KIFAP3: variants seen among roughly 807,000 people sequenced by gnomAD.
The protein encoded by KIFAP3 is kinesin associated protein 3.
A neutral mutation model predicts 106.5 loss-of-function variants in KIFAP3; 68 were observed. The observed-to-expected ratio is 0.64, with a 90% CI of 0.53 to 0.78. The LOEUF (loss-of-function observed/expected upper bound fraction) is 0.78. Among genes scored for constraint, KIFAP3 ranks in the 30% least tolerant of loss-of-function variants. The pLI, the probability that KIFAP3 is intolerant of heterozygous loss-of-function variation, is 0.00. For synonymous variants in KIFAP3, 320 were observed against 311.5 expected, an observed-to-expected ratio of 1.03 and a Z score of -0.29; for missense variants, 780 against 941.8, an observed-to-expected ratio of 0.83 and a Z score of 2.25.
At chr1:170,048,353 T>C (rs1411543741) in intron 2 of KIFAP3, among the ~76,000 whole-genome samples, 2 of 151,956 alleles carry the variant, frequency 1.3e-5, no homozygotes, top group East Asian at 3.9e-4. Flanking sequence ...ATTATATTTT[T>C]ATATAGTTTT....
At chr1:169,938,881 G>T (rs1663950727) in intron 19 of KIFAP3, among the ~76,000 whole-genome samples, 1 of 152,174 alleles carries the variant, frequency 6.6e-6, no homozygotes, top group African/African-American at 2.4e-5. Context: ...GTGACAAAGT[G>T]CGAAAGAACT....
At chr1:170,069,626 A>G (rs1442098778) in intron 1 of KIFAP3, among the ~76,000 whole-genome samples, 1 of 152,172 alleles carries the variant, frequency 6.6e-6, no homozygotes, top group African/African-American at 2.4e-5. Context: ...TTTTCATGAT[A>G]AAAGTACTTG....
chr1:169,946,138 A>G (rs1664427899), intron 19 of KIFAP3, among the ~76,000 whole-genome samples: 1 of 152,226 alleles, frequency 6.6e-6, no homozygotes, highest in African/African-American at 2.4e-5. Context: ...AAACTGGTTA[A>G]TTAGCTGAAT....
intron 2 of KIFAP3, among the ~76,000 whole-genome samples, chr1:170,052,040 A>G (rs1375953913): frequency 1.3e-5 from 2 of 152,170 alleles, no homozygotes; most frequent in African/African-American, 4.8e-5. Flanking sequence ...TCTTCCAAAA[A>G]TCAATGAATC....
In KIFAP3 at chr1:170,046,696, G is replaced by A. The variant is rs747488412; in HGVS notation, c.319+16C>T. The A allele has an allele frequency of 2.7e-6, 4 of 1,471,804 alleles. No homozygotes were observed. In the African/African-American group the frequency reaches 5.7e-5, roughly 21 times the overall value. 91.2% of individuals were successfully genotyped at this position (1,471,804 alleles called of 1,614,324 possible). A position where few individuals can be genotyped will look rare whatever the true frequency, so the allele number is the denominator to read the frequency against. On this transcript the variant is annotated intron_variant, in intron 3 of 19. Transcript: ENST00000361580. ...CTTTGGATTTGCATTAGGAAGCCAGGAATTCTACTACTTACCTTTTCCTGA... is the reference window on the plus strand; with the variant it reads ...CTTTGGATTTGCATTAGGAAGCCAGAAATTCTACTACTTACCTTTTCCTGA...
rs376434569 is a variant in KIFAP3, at chr1:169,989,364, T to TA, written c.1284+2790dup. Among the ~76,000 whole-genome samples the TA allele has an allele frequency of 1.8e-3, 281 of 152,166 alleles. 3 individuals carry two copies. The highest frequency in any genetic ancestry group is 6.6e-3 in the African/African-American group (275 of 41,566). On this transcript the variant is annotated intron_variant, in intron 11 of 19. Transcript: ENST00000361580. ...ATTTAATGCTATTCTCTTTAAAATC[T>TA]AAATCTGGATAAAGACAGTCAATCT...
chr1:169,985,208 C>T (rs1666757742), intron 11 of KIFAP3, among the ~76,000 whole-genome samples: 1 of 151,746 alleles, frequency 6.6e-6, no homozygotes, highest in Admixed American at 6.6e-5. Flanking sequence ...CTAAAAGCTT[C>T]TAAATAGGAA....
chr1:169,941,504 T>G (rs865981721), intron 19 of KIFAP3, among the ~76,000 whole-genome samples: 2 of 149,068 alleles, frequency 1.3e-5, no homozygotes, highest in Admixed American at 6.8e-5. Context: ...ATTTTGATTT[T>G]TATGAGGATG....
At chr1:170,020,953 T>C (rs984454832) in intron 9 of KIFAP3, among the ~76,000 whole-genome samples, 3 of 152,156 alleles carry the variant, frequency 2.0e-5, no homozygotes, top group Non-Finnish European at 4.4e-5. Flanking sequence ...TTCTTAAATA[T>C]GACACCCAAA....
chr1:170,063,412 A>G (rs1349245126), intron 1 of KIFAP3, among the ~76,000 whole-genome samples: 1 of 152,226 alleles, frequency 6.6e-6, no homozygotes, highest in African/African-American at 2.4e-5. Flanking sequence ...GCACAAGAAG[A>G]TAGCTAAACC....
At chr1:170,037,592 C>G (rs575537437) in intron 5 of KIFAP3, among the ~76,000 whole-genome samples, 1 of 151,058 alleles carries the variant, frequency 6.6e-6, no homozygotes, top group Non-Finnish European at 1.5e-5. Flanking sequence ...AAACCACACA[C>G]AAGGAGTGGT....
chr1:170,065,017 T>C (rs748443953), intron 1 of KIFAP3, among the ~76,000 whole-genome samples: 4 of 152,194 alleles, frequency 2.6e-5, no homozygotes, highest in African/African-American at 4.8e-5. Flanking sequence ...CTTTTTTTTC[T>C]AGACTTCTTG....
At chr1:169,921,848 G>T in intron 19 of KIFAP3, 67 bp from the exon 20 acceptor site, 1 of 1,160,480 alleles carries the variant, frequency 8.6e-7, no homozygotes, top group Non-Finnish European at 1.3e-6. Context: ...AGATTAAGAG[G>T]CCTACATTTT....
At chr1:169,960,594 A>G (rs1319088639) in intron 18 of KIFAP3, among the ~76,000 whole-genome samples, 2 of 152,156 alleles carry the variant, frequency 1.3e-5, no homozygotes, top group African/African-American at 2.4e-5. Flanking sequence ...ATCGTCCCCA[A>G]AGTTACCATA....
chr1:169,967,219 T>A (rs1665675070), intron 17 of KIFAP3, among the ~76,000 whole-genome samples: 1 of 151,840 alleles, frequency 6.6e-6, no homozygotes, highest in South Asian at 2.1e-4. Flanking sequence ...CTAAAAAATG[T>A]GAGAAAGAAT....
rs1405166189 is a variant in KIFAP3 at position 169,921,638 on chromosome 1, C to A, written c.*38G>T. On this transcript the variant is annotated 3_prime_UTR_variant, in exon 20 of 20. Coordinates refer to ENST00000361580, the MANE Select transcript of KIFAP3 (RefSeq NM_014970.4). ...AAATTAACCCAACCCACACAGATTT[C>A]TTCTAAGCTGAGATTACACATGGAA... is the stretch of plus-strand genomic sequence containing the variant. The A allele has an allele frequency of 6.5e-7, 1 of 1,526,908 alleles. No homozygotes were observed. The highest frequency in any genetic ancestry group is 2.3e-5 in the East Asian group (1 of 44,252). 94.6% of individuals were successfully genotyped at this position (1,526,908 alleles called of 1,614,324 possible). A position where few individuals can be genotyped will look rare whatever the true frequency, so the allele number is the denominator to read the frequency against.
At chr1:169,962,756 G>A (rs543367487) in intron 17 of KIFAP3, among the ~76,000 whole-genome samples, 1 of 152,098 alleles carries the variant, frequency 6.6e-6, no homozygotes, top group South Asian at 2.1e-4. Flanking sequence ...TAATTTTCTT[G>A]TTAAAATTTT....
At chr1:170,012,035 A>G (rs891063634) in intron 10 of KIFAP3, among the ~76,000 whole-genome samples, 1 of 152,158 alleles carries the variant, frequency 6.6e-6, no homozygotes, top group African/African-American at 2.4e-5. Flanking sequence ...AAAACTCAAG[A>G]ACATTACTAG....
At chr1:170,075,521 TCTG>T (rs1156594373), upstream of KIFAP3, among the ~76,000 whole-genome samples, 1 of 152,228 alleles carries the variant, frequency 6.6e-6, no homozygotes, top group Non-Finnish European at 1.5e-5. Flanking sequence ...ACGTAGTTGC[TCTG>T]CTGCTTTTTT....
Sources: allele counts gnomAD v4.1 joint callset (sites outside exome capture counted in the v4.1 genomes callset), GRCh38; gene constraint gnomAD v4.1.1; transcripts MANE v1.5; gene names NCBI Gene and HGNC (gene_info 2026-07-23, HGNC 2026-07-21).